NOL4: variants seen among roughly 807,000 people sequenced by gnomAD.
NOL4 encodes the protein nucleolar protein 4, also known as cancer/testis antigen 125.
In NOL4, 17 loss-of-function variants were observed where a neutral mutation model predicts 75.9. The observed-to-expected ratio is 0.22, with a 90% CI of 0.15 to 0.34. The LOEUF (loss-of-function observed/expected upper bound fraction) is 0.34, where lower values mean the gene tolerates loss of function less well. Among genes scored for constraint, NOL4 ranks in the 10% least tolerant of loss-of-function variants. NOL4 has a pLI of 1.00. For synonymous variants in NOL4, 292 were observed against 289.9 expected (o/e 1.01, Z -0.07); for missense variants, 614 against 793.5 (o/e 0.77, Z 2.72).
chr18:34,095,363 T>C (rs1357075123), intron 4 of NOL4, among the ~76,000 whole-genome samples: 2 of 151,974 alleles, frequency 1.3e-5, no homozygotes, highest in African/African-American at 2.4e-5. Flanking sequence ...GTTGATCATA[T>C]ACAAATACAT....
chr18:33,894,508 T>C (rs1363166304), intron 9 of NOL4, among the ~76,000 whole-genome samples: 2 of 152,046 alleles, frequency 1.3e-5, no homozygotes, highest in Non-Finnish European at 2.9e-5. Context: ...AGACAGATAA[T>C]AAGTAAATTC....
intron 9 of NOL4, among the ~76,000 whole-genome samples, chr18:33,914,891 C>A (rs994260982): frequency 6.6e-6 from 1 of 152,018 alleles, no homozygotes; most frequent in Non-Finnish European, 1.5e-5. Flanking sequence ...ATCTGGAGTT[C>A]AGGGAGGAGT....
chr18:34,141,389 C>T (rs1051746293), intron 1 of NOL4, among the ~76,000 whole-genome samples: 1 of 151,928 alleles, frequency 6.6e-6, no homozygotes, highest in Non-Finnish European at 1.5e-5. Context: ...AATCCTAAGC[C>T]AAAAGAACAA....
At chr18:34,031,857 T>A (rs983809540) in intron 5 of NOL4, among the ~76,000 whole-genome samples, 1 of 152,182 alleles carries the variant, frequency 6.6e-6, no homozygotes, top group Non-Finnish European at 1.5e-5. Context: ...TCACCCTTCA[T>A]AGGTCCTGAA....
At chr18:33,956,403 G>A (rs1450140761) in intron 8 of NOL4, among the ~76,000 whole-genome samples, 1 of 152,012 alleles carries the variant, frequency 6.6e-6, no homozygotes, top group East Asian at 1.9e-4. Flanking sequence ...AATTGGTACA[G>A]ACATACTCTG....
At chr18:34,133,321 CTG>C (rs911045835) in intron 1 of NOL4, among the ~76,000 whole-genome samples, 4 of 143,244 alleles carry the variant, frequency 2.8e-5, no homozygotes, top group Non-Finnish European at 6.1e-5. Flanking sequence ...ATGAACAAAA[CTG>C]AGAGAATTCA....
intron 1 of NOL4, chr18:34,222,037 A>G (rs912860290): frequency 9.1e-6 from 14 of 1,535,178 alleles, no homozygotes; most frequent in African/African-American, 2.7e-5. Flanking sequence ...TGATGCAGAA[A>G]GGTCTCCTGC....
chr18:34,149,375 T>C (rs2081548141), intron 1 of NOL4, among the ~76,000 whole-genome samples: 1 of 151,376 alleles, frequency 6.6e-6, no homozygotes, highest in African/African-American at 2.4e-5. Context: ...TCCCAGAAAA[T>C]AAAAGGACTT....
intron 5 of NOL4, among the ~76,000 whole-genome samples, chr18:34,038,949 C>T (rs1600352394): frequency 6.6e-6 from 1 of 151,946 alleles, no homozygotes; most frequent in Admixed American, 6.5e-5. Flanking sequence ...GTGATGGGTG[C>T]CCCCAAATAA....
chr18:33,945,523 G>A (rs1166823779), intron 8 of NOL4, among the ~76,000 whole-genome samples: 2 of 151,598 alleles, frequency 1.3e-5, no homozygotes, highest in Admixed American at 6.6e-5. Context: ...AATAATTTAT[G>A]TAATTTCCTT....
At chr18:33,875,757 C>T (rs2063905425) in intron 10 of NOL4, among the ~76,000 whole-genome samples, 1 of 151,922 alleles carries the variant, frequency 6.6e-6, no homozygotes, top group Non-Finnish European at 1.5e-5. Flanking sequence ...TCTAAATATT[C>T]ACTTATTAAG....
chr18:34,008,015 A>G (rs2074136633), intron 6 of NOL4, among the ~76,000 whole-genome samples: 1 of 151,992 alleles, frequency 6.6e-6, no homozygotes, highest in Admixed American at 6.6e-5. Context: ...TAGCATTTGA[A>G]TTGGTAAACT....
intron 1 of NOL4, among the ~76,000 whole-genome samples, chr18:34,163,267 AG>A (rs1346892336): frequency 6.6e-6 from 1 of 152,042 alleles, no homozygotes; most frequent in African/African-American, 2.4e-5. Context: ...AAGGAAATAA[AG>A]GGTATTCAAT....
chr18:34,043,326 A>G (rs1256733532), intron 5 of NOL4, among the ~76,000 whole-genome samples: 1 of 152,108 alleles, frequency 6.6e-6, no homozygotes, highest in African/African-American at 2.4e-5. Flanking sequence ...GCATCCTAAG[A>G]CAGTAGTTTT....
chr18:34,048,638 C>A (rs2076491202), intron 5 of NOL4: 8 of 983,386 alleles, frequency 8.1e-6, no homozygotes, highest in Non-Finnish European at 9.7e-6. Flanking sequence ...GTTGCTATGA[C>A]AACGGAGCAC....
intron 5 of NOL4, among the ~76,000 whole-genome samples, chr18:34,047,381 A>G (rs1291613066): frequency 6.6e-6 from 1 of 152,120 alleles, no homozygotes; most frequent in African/African-American, 2.4e-5. Flanking sequence ...GTTTCTAAAT[A>G]TATGTTATAA....
At chr18:33,907,186 G>A (rs1284383655) in intron 9 of NOL4, among the ~76,000 whole-genome samples, 1 of 151,928 alleles carries the variant, frequency 6.6e-6, no homozygotes, top group Non-Finnish European at 1.5e-5. Flanking sequence ...AGCTAGACGT[G>A]GTGGTTGGCA....
At chr18:33,970,005 A>G (rs1386185895) in intron 6 of NOL4, among the ~76,000 whole-genome samples, 1 of 152,168 alleles carries the variant, frequency 6.6e-6, no homozygotes, top group Non-Finnish European at 1.5e-5. Flanking sequence ...AAATCGCCCA[A>G]AGGACTTGGT....
At chr18:33,940,575 C>T (rs1430794988) in intron 9 of NOL4, among the ~76,000 whole-genome samples, 4 of 151,858 alleles carry the variant, frequency 2.6e-5, no homozygotes, top group Non-Finnish European at 5.9e-5. Context: ...GGAGGGATAG[C>T]ATCAGGAGAA....
Sources: allele counts gnomAD v4.1 joint callset (sites outside exome capture counted in the v4.1 genomes callset), GRCh38; gene constraint gnomAD v4.1.1; transcripts MANE v1.5; gene names NCBI Gene and HGNC (gene_info 2026-07-23, HGNC 2026-07-21).